Variants in LIMD1 observed in about 807,000 individuals in gnomAD.
LIMD1 encodes the protein LIM domain-containing protein 1.
A neutral mutation model predicts 58.4 loss-of-function variants in LIMD1; 23 were observed. The observed-to-expected ratio is 0.39, with a 90% CI of 0.28 to 0.56. The LOEUF is 0.56. Among genes scored for constraint, LIMD1 ranks in the 20% least tolerant of loss-of-function variants. The pLI is 0.57. For synonymous variants in LIMD1, 334 were observed against 345.5 expected (o/e 0.97, Z 0.37); for missense variants, 838 against 855.5 (o/e 0.98, Z 0.25).
chr3:45,598,971 C>T (rs1340968953), intron 1 of LIMD1, among the ~76,000 whole-genome samples: 3 of 152,100 alleles, frequency 2.0e-5, no homozygotes, highest in Non-Finnish European at 4.4e-5. Context: ...GATGAGAAAA[C>T]GGAAGCTCAG....
At chr3:45,610,373 C>A (rs1701511854) in intron 1 of LIMD1, among the ~76,000 whole-genome samples, 1 of 152,090 alleles carries the variant, frequency 6.6e-6, no homozygotes, top group South Asian at 2.1e-4. Flanking sequence ...CTCACCCTGA[C>A]CAGAGTTACT....
intron 1 of LIMD1, among the ~76,000 whole-genome samples, chr3:45,608,151 T>G (rs570366633): frequency 6.6e-6 from 1 of 152,364 alleles, no homozygotes; most frequent in South Asian, 2.1e-4. Flanking sequence ...GGCCTGATTG[T>G]GCTGCTTTCT....
At chr3:45,662,843 G>A (rs969821143) in intron 2 of LIMD1, among the ~76,000 whole-genome samples, 1 of 152,148 alleles carries the variant, frequency 6.6e-6, no homozygotes, top group African/African-American at 2.4e-5. Context: ...AATTAGCCGG[G>A]TATGGTGGTG....
chr3:45,650,409 C>T (rs1443036882), intron 2 of LIMD1, among the ~76,000 whole-genome samples: 2 of 152,004 alleles, frequency 1.3e-5, no homozygotes, highest in Admixed American at 6.6e-5. Flanking sequence ...CATAGGTATA[C>T]ATGTGCCATG....
intron 2 of LIMD1, among the ~76,000 whole-genome samples, chr3:45,638,725 C>T (rs1463244601): frequency 6.6e-6 from 1 of 152,190 alleles, no homozygotes; most frequent in Non-Finnish European, 1.5e-5. Context: ...AATCTCCTAA[C>T]TGTTTTCCAC....
rs1697784016 is a variant in LIMD1 at position 45,684,440 on chromosome 3, T to A, written c.*7381T>A. On this transcript the variant is annotated 3_prime_UTR_variant, in exon 8 of 8. Transcript: ENST00000273317. ...CGGCTCCGTTGTTTGGGGAAATACCTGAGGTTTGTTGTTTCGTGCCAAGAA... is the reference window on the plus strand; with the variant it reads ...CGGCTCCGTTGTTTGGGGAAATACCAGAGGTTTGTTGTTTCGTGCCAAGAA... 6.6e-6 allele frequency: 1 copy of A among 152,186 alleles called. No individual in the cohort carries two copies. The highest frequency in any genetic ancestry group is 2.4e-5 in the African/African-American group (1 of 41,440). 9.4% of individuals were successfully genotyped at this position (152,186 alleles called of 1,614,324 possible).
chr3:45,667,919 A>G (rs1697540248), intron 3 of LIMD1, among the ~76,000 whole-genome samples: 1 of 152,214 alleles, frequency 6.6e-6, no homozygotes. Context: ...TTTCCAAATC[A>G]GTAGGTCTGG....
At chr3:45,619,645 A>G (rs1474500959) in intron 1 of LIMD1, among the ~76,000 whole-genome samples, 3 of 152,026 alleles carry the variant, frequency 2.0e-5, no homozygotes, top group Admixed American at 2.0e-4. Context: ...CTAAAAATAT[A>G]AAAATTAGCC....
intron 1 of LIMD1, among the ~76,000 whole-genome samples, chr3:45,623,797 C>G (rs888572045): frequency 4.6e-5 from 7 of 152,156 alleles, no homozygotes; most frequent in African/African-American, 1.7e-4. Flanking sequence ...GTTCTCGTCC[C>G]TGGCTGTGCA....
intron 5 of LIMD1, among the ~76,000 whole-genome samples, chr3:45,673,107 G>A (rs537769354): frequency 6.6e-6 from 1 of 151,802 alleles, no homozygotes; most frequent in Non-Finnish European, 1.5e-5. Context: ...AATCCACCAA[G>A]CCCTGTGGCT....
intron 1 of LIMD1, among the ~76,000 whole-genome samples, chr3:45,622,088 A>G (rs910206775): frequency 1.3e-5 from 2 of 152,054 alleles, no homozygotes; most frequent in Middle Eastern, 3.4e-3. Flanking sequence ...AAATTGTGTA[A>G]TTCACTGGTT....
At chr3:45,614,481 T>C (rs557781290) in intron 1 of LIMD1, among the ~76,000 whole-genome samples, 5 of 151,590 alleles carry the variant, frequency 3.3e-5, no homozygotes, top group South Asian at 2.1e-4. Flanking sequence ...CCCAGCACTT[T>C]GGGAGCTGAG....
intron 1 of LIMD1, among the ~76,000 whole-genome samples, chr3:45,629,603 G>C (rs1701706456): frequency 6.6e-6 from 1 of 152,074 alleles, no homozygotes; most frequent in African/African-American, 2.4e-5. Context: ...AGCCTGCCTT[G>C]CTCCCATCCT....
At chr3:45,669,112 C>T (rs1697559758) in intron 4 of LIMD1, among the ~76,000 whole-genome samples, 1 of 152,212 alleles carries the variant, frequency 6.6e-6, no homozygotes, top group African/African-American at 2.4e-5. Flanking sequence ...AGTTCTGAGA[C>T]AGCAGAGCAA....
intron 1 of LIMD1, among the ~76,000 whole-genome samples, chr3:45,633,363 G>A (rs1214945838): frequency 3.9e-5 from 6 of 152,168 alleles, no homozygotes; most frequent in Non-Finnish European, 2.9e-5. Context: ...AAAACTCATT[G>A]AATGGTAGAC....
rs762950766 is a variant in LIMD1 at position 45,636,229 on chromosome 3, A to C, written c.1488A>C (p.Thr496=). The C allele has an allele frequency of 6.2e-7, 1 of 1,612,072 alleles. No individual in the cohort carries two copies. Among genetic ancestry groups the C allele is most frequent in the Non-Finnish European group, 8.5e-7 (1 of 1,179,070 alleles). Reference sequence around the variant, plus strand: ...CCATGGGGAACCTCTACCATGACACATGCTTCACCTGTGCAGCTTGCAGTA... The same window carrying C: ...CCATGGGGAACCTCTACCATGACACCTGCTTCACCTGTGCAGCTTGCAGTA... ...CQAMGNLYHD[T]CFTCAACSRK... The change falls in exon 2 of 8, where the codon ACA becomes ACC. Residue 496 remains threonine (T), a synonymous_variant. Transcript: ENST00000273317.
chr3:45,659,364 T>C (rs1353479871), intron 2 of LIMD1, among the ~76,000 whole-genome samples: 1 of 152,162 alleles, frequency 6.6e-6, no homozygotes, highest in East Asian at 1.9e-4. Flanking sequence ...GATGGGCTGA[T>C]CACTTGAGCC....
chr3:45,667,166 C>T (rs965418020), intron 3 of LIMD1, among the ~76,000 whole-genome samples: 1 of 152,224 alleles, frequency 6.6e-6, no homozygotes, highest in Non-Finnish European at 1.5e-5. Flanking sequence ...GTGCCAGTCC[C>T]TCCTTCGGAA....
chr3:45,678,375 G>A lies in LIMD1; in HGVS notation c.*1316G>A, dbSNP rs1207992751. ...CAGGGCAGAGTGATCGTAACTAAAGGTCAGTGGGGAATAGATCCGATTCAG... is the reference window on the plus strand; with the variant it reads ...CAGGGCAGAGTGATCGTAACTAAAGATCAGTGGGGAATAGATCCGATTCAG... On this transcript the variant is annotated 3_prime_UTR_variant, in exon 8 of 8. Coordinates refer to ENST00000273317, the MANE Select transcript of LIMD1 (RefSeq NM_014240.3). The A allele has an allele frequency of 6.6e-6, 1 of 152,630 alleles. No individual in the cohort carries two copies. The highest frequency in any genetic ancestry group is 1.5e-5 in the Non-Finnish European group (1 of 68,040). 9.5% of individuals were successfully genotyped at this position (152,630 alleles called of 1,614,324 possible). A position where few individuals can be genotyped will look rare whatever the true frequency, so the allele number is the denominator to read the frequency against.
Sources: gnomAD v4.1 joint callset for allele counts (sites outside exome capture counted in the v4.1 genomes callset) on GRCh38, gnomAD v4.1.1 for gene constraint, MANE v1.5 for transcripts, NCBI Gene and HGNC (gene_info 2026-07-23, HGNC 2026-07-21) for gene names.